Variants in BAALC observed in about 807,000 individuals in gnomAD.
The protein encoded by BAALC is BAALC binder of MAP3K1 and KLF4, also known as brain and acute leukemia cytoplasmic protein.
A neutral mutation model predicts 15.5 loss-of-function variants in BAALC; 9 were observed. The ratio of observed to expected loss-of-function variants is 0.58; its 90% CI spans 0.35 to 1.02. The LOEUF (loss-of-function observed/expected upper bound fraction) is 1.02. Among genes scored for constraint, BAALC ranks in the 50% least tolerant of loss-of-function variants. The pLI is 0.02. For synonymous variants in BAALC, 80 were observed against 74.6 expected, an observed-to-expected ratio of 1.07 and a Z score of -0.37; for missense variants, 201 against 192.4, an observed-to-expected ratio of 1.04 and a Z score of -0.27.
chr8:103,194,200 A>C (rs1448545907), intron 1 of BAALC, among the ~76,000 whole-genome samples: 2 of 152,146 alleles, frequency 1.3e-5, no homozygotes, highest in Non-Finnish European at 2.9e-5. Flanking sequence ...AAGCCTATTA[A>C]ATAAATCAAC....
intron 1 of BAALC, among the ~76,000 whole-genome samples, chr8:103,149,655 T>G (rs1305027156): frequency 6.6e-6 from 1 of 152,140 alleles, no homozygotes; most frequent in Non-Finnish European, 1.5e-5. Context: ...CAAGAAAAAT[T>G]ATATTTGTTC....
At chr8:103,225,480 A>C (rs144817244) in intron 2 of BAALC, among the ~76,000 whole-genome samples, 68 of 152,322 alleles carry the variant, frequency 4.5e-4, no homozygotes, top group Middle Eastern at 3.4e-3. Flanking sequence ...TTCTCATGCA[A>C]GTAATTGAAA....
At chr8:103,185,572 G>C (rs907732304) in intron 1 of BAALC, among the ~76,000 whole-genome samples, 1 of 152,220 alleles carries the variant, frequency 6.6e-6, no homozygotes, top group African/African-American at 2.4e-5. Context: ...AAAGACATCA[G>C]TGCTTCAGAG....
intron 1 of BAALC, among the ~76,000 whole-genome samples, chr8:103,163,010 C>T (rs980017879): frequency 2.6e-5 from 4 of 152,240 alleles, no homozygotes; most frequent in Admixed American, 2.6e-4. Flanking sequence ...TCTACTGAAA[C>T]TCTTATCACA....
intron 1 of BAALC, among the ~76,000 whole-genome samples, chr8:103,193,402 C>T (rs1156490524): frequency 6.6e-6 from 1 of 152,216 alleles, no homozygotes; most frequent in Admixed American, 6.5e-5. Context: ...GTGACATTCC[C>T]TTGTCCCTGC....
intron 1 of BAALC, among the ~76,000 whole-genome samples, chr8:103,201,028 C>G (rs533213325): frequency 1.3e-5 from 2 of 152,146 alleles, no homozygotes; most frequent in South Asian, 4.1e-4. Flanking sequence ...AGCATCCTAT[C>G]GTACTAGGTA....
At chr8:103,155,295 A>T (rs1811067944) in intron 1 of BAALC, among the ~76,000 whole-genome samples, 1 of 151,658 alleles carries the variant, frequency 6.6e-6, no homozygotes, top group Non-Finnish European at 1.5e-5. Flanking sequence ...ACACCTAAAA[A>T]TTAATGAAAA....
intron 1 of BAALC, among the ~76,000 whole-genome samples, chr8:103,153,804 A>T (rs753645171): frequency 4.6e-5 from 7 of 152,140 alleles, no homozygotes; most frequent in African/African-American, 1.7e-4. Flanking sequence ...AAAAAACCCA[A>T]CCTGCTGCTG....
At chr8:103,204,608 A>AG (rs1478034499) in intron 1 of BAALC, among the ~76,000 whole-genome samples, 4 of 152,192 alleles carry the variant, frequency 2.6e-5, no homozygotes, top group African/African-American at 7.2e-5. Context: ...GGTGTGAAGT[A>AG]GGGGTGCACT....
intron 2 of BAALC, among the ~76,000 whole-genome samples, chr8:103,218,910 C>A (rs982580965): frequency 6.6e-6 from 1 of 152,012 alleles, no homozygotes; most frequent in African/African-American, 2.4e-5. Context: ...GAGGTTAGGA[C>A]CAGCCCAGGA....
At chr8:103,217,720 G>A (rs555282710) in intron 2 of BAALC, among the ~76,000 whole-genome samples, 1 of 152,234 alleles carries the variant, frequency 6.6e-6, no homozygotes, top group Non-Finnish European at 1.5e-5. Flanking sequence ...CTACTGCAGT[G>A]CTGCCATTCA....
At chr8:103,227,876 G>C in intron 2 of BAALC, 113 bp from the exon 3 acceptor site, 1 of 695,942 alleles carries the variant, frequency 1.4e-6, no homozygotes, top group East Asian at 2.8e-5. Flanking sequence ...CTTTTTCCCA[G>C]GCACATTCTC....
rs550838574 is a variant in BAALC, at chr8:103,178,209, G to T, written c.161-34710G>T. Reference sequence around the variant, plus strand: ...CTATCTTTTTAACTCATTGATGAGGGTCACAGCTGGATGATAAAGTCAGCT... The same window carrying T: ...CTATCTTTTTAACTCATTGATGAGGTTCACAGCTGGATGATAAAGTCAGCT... On this transcript the variant is annotated intron_variant, in intron 1 of 2. Coordinates refer to ENST00000309982, the MANE Select transcript of BAALC (RefSeq NM_024812.3). Among the ~76,000 whole-genome samples the T allele has an allele frequency of 3.4e-4, 52 of 152,296 alleles. 2 individuals are homozygous for T. The South Asian group carries it at 9.5e-3, about 28-fold the overall frequency.
intron 2 of BAALC, among the ~76,000 whole-genome samples, chr8:103,216,636 C>T (rs1812562875): frequency 6.6e-6 from 1 of 152,162 alleles, no homozygotes; most frequent in Non-Finnish European, 1.5e-5. Flanking sequence ...CCACCATGCC[C>T]AGCCAATTTG....
At chr8:103,209,069 T>G (rs1266232212) in intron 1 of BAALC, among the ~76,000 whole-genome samples, 1 of 152,052 alleles carries the variant, frequency 6.6e-6, no homozygotes, top group Non-Finnish European at 1.5e-5. Flanking sequence ...ATGACGCACA[T>G]AGAAAATGGC....
intron 1 of BAALC, among the ~76,000 whole-genome samples, chr8:103,189,555 T>G (rs1286995846): frequency 6.6e-6 from 1 of 152,038 alleles, no homozygotes; most frequent in Non-Finnish European, 1.5e-5. Flanking sequence ...TCATTTAGAG[T>G]TAAGCTGTGT....
At position 103,159,347 on chromosome 8, in the gene BAALC, G is replaced by A. The variant is rs147727914; in HGVS notation, c.160+18290G>A. Among the ~76,000 whole-genome samples, 202 of 152,214 alleles carry A rather than the reference G, an allele frequency of 1.3e-3. No individual in the cohort carries two copies. The East Asian group carries it at 0.023, about 18-fold the overall frequency. On this transcript the variant is annotated intron_variant, in intron 1 of 2. Transcript: ENST00000309982. Reference sequence around the variant, plus strand: ...TTGCCTACATCAATTATTTCATTAGGAATTACAAAATGGTGATAGTCTAAC... The same window carrying A: ...TTGCCTACATCAATTATTTCATTAGAAATTACAAAATGGTGATAGTCTAAC...
chr8:103,226,645 A>G (rs1414459928), intron 2 of BAALC, among the ~76,000 whole-genome samples: 1 of 152,234 alleles, frequency 6.6e-6, no homozygotes, highest in Non-Finnish European at 1.5e-5. Context: ...GACTGGACAC[A>G]TATACTTAAA....
rs560783273 is a variant in BAALC, at chr8:103,181,389, C to CA, written c.161-31530_161-31529insA. Among the ~76,000 whole-genome samples the CA allele has an allele frequency of 1.6e-3, 241 of 152,212 alleles. 1 individual carries two copies. The highest frequency in any genetic ancestry group is 0.01 in the South Asian group (49 of 4,820). ...CCAGGTTCACACCATTCTCCTGCCTCGCCTCCTGAGTAGCTGGGACTACAG... is the reference window on the plus strand; with the variant it reads ...CCAGGTTCACACCATTCTCCTGCCTCAGCCTCCTGAGTAGCTGGGACTACAG... On this transcript the variant is annotated intron_variant, in intron 1 of 2. Transcript: ENST00000309982.
Sources: allele counts gnomAD v4.1 joint callset (sites outside exome capture counted in the v4.1 genomes callset), GRCh38; gene constraint gnomAD v4.1.1; transcripts MANE v1.5; gene names NCBI Gene and HGNC (gene_info 2026-07-23, HGNC 2026-07-21).